RRP1B: variants seen among roughly 807,000 people sequenced by gnomAD.
RRP1B encodes the protein ribosomal RNA processing 1B.
RRP1B carries 56 observed loss-of-function variants against 80.2 expected under a neutral mutation model. The observed-to-expected ratio is 0.70, with a 90% CI of 0.56 to 0.87. The LOEUF is 0.87. RRP1B is among the 40% of genes least tolerant of loss of function. The pLI is 0.00. For missense variants in RRP1B, 807 were observed against 939.8 expected, an observed-to-expected ratio of 0.86 and a Z score of 1.85; for synonymous variants, 351 against 357.6, an observed-to-expected ratio of 0.98 and a Z score of 0.21.
chr21:43,676,365 G>C (rs909673437), intron 7 of RRP1B, 29 bp downstream of exon 7: 13 of 1,560,652 alleles, frequency 8.3e-6, no homozygotes, highest in Non-Finnish European at 1.1e-5. Context: ...CGTTCCTCCT[G>C]CTCCGTGGCA....
chr21:43,690,541 G>A, intron 14 of RRP1B, 101 bp downstream of exon 14: 1 of 1,364,836 alleles, frequency 7.3e-7, no homozygotes, highest in Non-Finnish European at 1.0e-6. Flanking sequence ...GCCCCACTGT[G>A]GCCCTCTGAG....
intron 15 of RRP1B, among the ~76,000 whole-genome samples, chr21:43,692,796 GC>G (rs1042828742): frequency 1.3e-5 from 2 of 152,104 alleles, no homozygotes; most frequent in African/African-American, 4.8e-5. Flanking sequence ...AGCTCACCCA[GC>G]CTTTACAACT....
At position 43,694,550 on chromosome 21, in the gene RRP1B, C is replaced by T. The variant is rs1359413934; in HGVS notation, c.*1167C>T. ...TGAGGAGAGCCGCCAAGGCTGCTCGCCTTCTCCGTGGCTTCCGCAGCTACC... is the reference window on the plus strand; with the variant it reads ...TGAGGAGAGCCGCCAAGGCTGCTCGTCTTCTCCGTGGCTTCCGCAGCTACC... On this transcript the variant is annotated 3_prime_UTR_variant, in exon 16 of 16. Transcript: ENST00000340648. 1 of 152,280 alleles carries T rather than the reference C, an allele frequency of 6.6e-6. No homozygotes were observed. Among genetic ancestry groups the T allele is most frequent in the East Asian group, 1.9e-4 (1 of 5,204 alleles). 9.4% of individuals were successfully genotyped at this position (152,280 alleles called of 1,614,324 possible). A position where few individuals can be genotyped will look rare whatever the true frequency, so the allele number is the denominator to read the frequency against.
chr21:43,678,375 G>T (rs1209282380), intron 8 of RRP1B, among the ~76,000 whole-genome samples: 6 of 152,108 alleles, frequency 3.9e-5, no homozygotes, highest in Non-Finnish European at 8.8e-5. Context: ...GGCCAGGGTG[G>T]TCTCAACCTC....
chr21:43,662,280 A>G (rs2082960798), intron 1 of RRP1B, among the ~76,000 whole-genome samples: 1 of 152,236 alleles, frequency 6.6e-6, no homozygotes, highest in South Asian at 2.1e-4. Context: ...CTGTCTGGTT[A>G]GTGCCTATCA....
intron 3 of RRP1B, 131 bp from the exon 4 acceptor site, chr21:43,673,739 C>A: frequency 3.7e-6 from 2 of 547,454 alleles, no homozygotes; most frequent in Non-Finnish European, 3.3e-6. Flanking sequence ...AACAGATTTT[C>A]TAGCTGCCCA....
At chr21:43,682,391 G>A (rs918450880) in intron 8 of RRP1B, among the ~76,000 whole-genome samples, 7 of 152,210 alleles carry the variant, frequency 4.6e-5, no homozygotes, top group East Asian at 1.9e-4. Flanking sequence ...AACAGTACAC[G>A]TTTAAAATAA....
chr21:43,668,612 G>T (rs1311645056), intron 1 of RRP1B, among the ~76,000 whole-genome samples: 1 of 151,936 alleles, frequency 6.6e-6, no homozygotes, highest in Non-Finnish European at 1.5e-5. Flanking sequence ...CCCGTGATCC[G>T]CCCACCTCAG....
intron 8 of RRP1B, among the ~76,000 whole-genome samples, chr21:43,680,839 CT>C (rs1450697130): frequency 1.3e-5 from 2 of 152,186 alleles, no homozygotes; most frequent in African/African-American, 2.4e-5. Flanking sequence ...GCCACCACAC[CT>C]AGCCCAAAAT....
At chr21:43,674,974 T>C in intron 5 of RRP1B, 60 bp from the exon 6 acceptor site, 4 of 1,597,554 alleles carry the variant, frequency 2.5e-6, no homozygotes, top group East Asian at 2.2e-5. Context: ...TTGTTTCTCT[T>C]TGGGAAGTGG....
intron 3 of RRP1B, among the ~76,000 whole-genome samples, chr21:43,673,010 A>C (rs1480786704): frequency 6.6e-6 from 1 of 152,246 alleles, no homozygotes; most frequent in Non-Finnish European, 1.5e-5. Flanking sequence ...CCAAAAAATC[A>C]ACAAAAATTG....
At chr21:43,692,902 A>AC (rs984499903) in intron 15 of RRP1B, among the ~76,000 whole-genome samples, 1 of 151,448 alleles carries the variant, frequency 6.6e-6, no homozygotes, top group Non-Finnish European at 1.5e-5. Context: ...AAACACCCCC[A>AC]CCCCCAATGT....
intron 1 of RRP1B, among the ~76,000 whole-genome samples, chr21:43,664,220 C>T (rs1464927883): frequency 6.6e-6 from 1 of 151,564 alleles, no homozygotes; most frequent in Middle Eastern, 3.2e-3. Flanking sequence ...GGGTGGATCA[C>T]CTGAGGTTGG....
At position 43,687,798 on chromosome 21, in the gene RRP1B, C is replaced by T; in HGVS notation, c.1424C>T (p.Pro475Leu). 1.2e-6 allele frequency: 2 copies of T among 1,613,284 alleles called. No homozygotes were observed. Among genetic ancestry groups the T allele is most frequent in the Admixed American group, 1.7e-5 (1 of 60,036 alleles). ...CCCATGCACAATAAAAGGAAACGGCCACGGAAGAAGAGCCCGAGGGCCCAC... is the reference window on the plus strand; with the variant it reads ...CCCATGCACAATAAAAGGAAACGGCTACGGAAGAAGAGCCCGAGGGCCCAC... ...AVPMHNKRKR[P>L]RKKSPRAHRE... Residue 475 changes from proline to leucine, a missense_variant, in exon 13 of 16, where the codon CCA becomes CTA. By Grantham distance (98) the Pro-to-Leu change is moderately conservative (BLOSUM62 -3). Coordinates refer to ENST00000340648, the MANE Select transcript of RRP1B (RefSeq NM_015056.3).
chr21:43,688,588 A>T (rs1344359485), intron 13 of RRP1B, among the ~76,000 whole-genome samples: 3 of 152,210 alleles, frequency 2.0e-5, no homozygotes, highest in Non-Finnish European at 4.4e-5. Context: ...TTTCTTCATC[A>T]GCGCATGGCC....
intron 1 of RRP1B, among the ~76,000 whole-genome samples, chr21:43,666,841 A>C (rs1418473075): frequency 6.6e-6 from 1 of 152,200 alleles, no homozygotes; most frequent in Non-Finnish European, 1.5e-5. Context: ...TATGTCTGCC[A>C]AGACGCTCTT....
chr21:43,693,060 G>A lies in RRP1B; in HGVS notation c.2084-130G>A, dbSNP rs764161085. 47 of 869,516 alleles carry A rather than the reference G, an allele frequency of 5.4e-5. No homozygotes were observed. Among genetic ancestry groups the A allele is most frequent in the Non-Finnish European group, 7.9e-5 (44 of 555,016 alleles). The allele number at this position is 869,516 out of a possible 1,614,324, so 53.9% of individuals were successfully genotyped here. ...AGGCTCTTGGGCCTGCTCTCTGCAG[G>A]GCCTTGAGATGGCCCTGCTTCGTCC... On this transcript the variant is annotated intron_variant, in intron 15 of 15. Coordinates refer to ENST00000340648, the MANE Select transcript of RRP1B (RefSeq NM_015056.3). This position sits in a 1 kb window ranked among gnomAD's most constrained non-coding sequence, Gnocchi z 4.1.
At chr21:43,682,707 G>C (rs562582886) in intron 8 of RRP1B, among the ~76,000 whole-genome samples, 18 of 152,340 alleles carry the variant, frequency 1.2e-4, no homozygotes, top group African/African-American at 3.4e-4. Flanking sequence ...GACCACGTGT[G>C]GGGGAGGAAA....
intron 8 of RRP1B, among the ~76,000 whole-genome samples, chr21:43,680,248 T>C (rs1221479376): frequency 6.6e-6 from 1 of 152,180 alleles, no homozygotes; most frequent in African/African-American, 2.4e-5. Flanking sequence ...TAAACCAAAA[T>C]GTTTTATTTA....
Sources: gnomAD v4.1 joint callset for allele counts (sites outside exome capture counted in the v4.1 genomes callset) on GRCh38, gnomAD v4.1.1 for gene constraint, Gnocchi (gnomAD v3.1) non-coding constraint, MANE v1.5 for transcripts, NCBI Gene and HGNC (gene_info 2026-07-23, HGNC 2026-07-21) for gene names.